Variants in KIAA0319 observed in about 807,000 individuals in gnomAD.
KIAA0319 encodes dyslexia-associated protein KIAA0319.
A neutral mutation model predicts 108.4 loss-of-function variants in KIAA0319; 83 were observed. That is an observed-to-expected ratio of 0.77 (90% CI 0.64 to 0.92). KIAA0319 has a LOEUF of 0.92. Ranked by LOEUF, KIAA0319 falls within the 40% of genes least tolerant of loss-of-function variation. The pLI is 0.00. For synonymous variants in KIAA0319, 484 were observed against 510.4 expected, an observed-to-expected ratio of 0.95 and a Z score of 0.70; for missense variants, 1,195 against 1,322.4, an observed-to-expected ratio of 0.90 and a Z score of 1.49.
At chr6:24,640,591 C>T (rs970622467) in intron 1 of KIAA0319, among the ~76,000 whole-genome samples, 9 of 151,970 alleles carry the variant, frequency 5.9e-5, no homozygotes, top group African/African-American at 1.5e-4. Flanking sequence ...GGGGGCATAT[C>T]GAAGATATTT....
intron 13 of KIAA0319, 136 bp downstream of exon 13, chr6:24,568,645 C>T: frequency 1.2e-6 from 1 of 831,278 alleles, no homozygotes; most frequent in Non-Finnish European, 1.8e-6. Flanking sequence ...GGCTTTTTTT[C>T]AGCCAGGCAG....
At position 24,588,579 on chromosome 6, in the gene KIAA0319, T is replaced by G. The variant is rs1282253276; in HGVS notation, c.994+14A>C. ...TTCAGTACATTTCTTGAAATTGTAT[T>G]TTTTAAAAGTTACCTGTCCTGGGAG... On this transcript the variant is annotated intron_variant, in intron 4 of 20. Transcript: ENST00000378214. 1 of 1,602,890 alleles carries G rather than the reference T, an allele frequency of 6.2e-7. No individual in the cohort carries two copies. Among genetic ancestry groups the G allele is most frequent in the Non-Finnish European group, 8.5e-7 (1 of 1,171,640 alleles).
At chr6:24,576,161 G>C (rs1334409573) in intron 10 of KIAA0319, among the ~76,000 whole-genome samples, 1 of 152,212 alleles carries the variant, frequency 6.6e-6, no homozygotes, top group Admixed American at 6.5e-5. Flanking sequence ...ATTGGTTGCT[G>C]TCCTGTGCTT....
intron 13 of KIAA0319, among the ~76,000 whole-genome samples, chr6:24,568,341 G>C (rs1256649370): frequency 6.6e-6 from 1 of 152,202 alleles, no homozygotes; most frequent in Non-Finnish European, 1.5e-5. Context: ...AGACACTCAG[G>C]CAGTTCACAG....
chr6:24,629,524 A>AAAAAAAAAAAAC (rs1273274396), intron 1 of KIAA0319, among the ~76,000 whole-genome samples: 2 of 147,552 alleles, frequency 1.4e-5, no homozygotes, highest in African/African-American at 5.0e-5. Flanking sequence ...CAAAAAAAAA[A>AAAAAAAAAAAAC]AAAAAAAGAA....
At chr6:24,644,002 C>A (rs1258825579) in intron 1 of KIAA0319, among the ~76,000 whole-genome samples, 1 of 152,246 alleles carries the variant, frequency 6.6e-6, no homozygotes, top group African/African-American at 2.4e-5. Flanking sequence ...GCATACCTGG[C>A]TCTACATACA....
rs186753107 is a variant in KIAA0319, at chr6:24,638,280, G to A, written c.-106+7456C>T. Among the ~76,000 whole-genome samples, 200 of 152,274 alleles carry A rather than the reference G, an allele frequency of 1.3e-3. 3 individuals are homozygous for A. Among genetic ancestry groups the A allele is most frequent in the Admixed American group, 0.011 (168 of 15,296 alleles). ...AAAATACCTATATCAAAAGTTGTGT[G>A]ATTAGAAATAAAGCTATTGAATTTT... On this transcript the variant is annotated intron_variant, in intron 1 of 20. Coordinates refer to ENST00000378214, the MANE Select transcript of KIAA0319 (RefSeq NM_014809.4).
chr6:24,595,439 C>T (rs375288957), intron 3 of KIAA0319, among the ~76,000 whole-genome samples: 1 of 145,378 alleles, frequency 6.9e-6, no homozygotes, highest in East Asian at 2.2e-4. Context: ...CCCAGCTACT[C>T]GGGAGGCTGA....
At chr6:24,621,469 A>C (rs924401181) in intron 1 of KIAA0319, among the ~76,000 whole-genome samples, 18 of 152,228 alleles carry the variant, frequency 1.2e-4, no homozygotes, top group African/African-American at 4.1e-4. Flanking sequence ...AGCCCACACA[A>C]AAAATATATT....
At chr6:24,622,319 T>TAAA (rs5874995) in intron 1 of KIAA0319, among the ~76,000 whole-genome samples, 29 of 114,588 alleles carry the variant, frequency 2.5e-4, no homozygotes, top group Non-Finnish European at 3.0e-4. Flanking sequence ...TTTGAGAAAT[T>TAAA]AAAAAAAAAA....
downstream of KIAA0319, among the ~76,000 whole-genome samples, chr6:24,540,919 A>G (rs1760173996): frequency 6.7e-6 from 1 of 149,950 alleles, no homozygotes; most frequent in Non-Finnish European, 1.5e-5. Context: ...TTCCAATTTC[A>G]CTCGTTTTTA....
At chr6:24,575,458 A>T (rs1024746966) in intron 10 of KIAA0319, among the ~76,000 whole-genome samples, 6 of 152,232 alleles carry the variant, frequency 3.9e-5, no homozygotes, top group Non-Finnish European at 7.3e-5. Flanking sequence ...TTAACACAAC[A>T]GAAGCAAACA....
In KIAA0319 at chr6:24,564,351, A is replaced by G. The variant is rs2760163; in HGVS notation, c.2293-11T>C. The stretch of plus-strand genomic sequence containing the variant: ...GCCATCGATGACATCCTGCGAAAGA[A>G]CACGGATCACAGGGCAGCTGTCAAT... On this transcript the variant is annotated splice_polypyrimidine_tract_variant and intron_variant, in intron 14 of 20. Coordinates refer to ENST00000378214, the MANE Select transcript of KIAA0319 (RefSeq NM_014809.4). 0.026 allele frequency: 41,162 copies of G among 1,612,004 alleles called. 1,213 individuals are homozygous for G. Among genetic ancestry groups the G allele is most frequent in the African/African-American group, 0.14 (10,498 of 74,802 alleles).
At chr6:24,603,441 G>A (rs901484244) in intron 1 of KIAA0319, among the ~76,000 whole-genome samples, 4 of 152,164 alleles carry the variant, frequency 2.6e-5, no homozygotes, top group Non-Finnish European at 5.9e-5. Context: ...TCCTAATGTG[G>A]TGTCAGAATC....
chr6:24,606,112 T>G (rs1771365010), intron 1 of KIAA0319, among the ~76,000 whole-genome samples: 1 of 152,042 alleles, frequency 6.6e-6, no homozygotes, highest in East Asian at 1.9e-4. Flanking sequence ...CTTTTGTACT[T>G]TTTTAGTAGA....
At chr6:24,597,054 C>T (rs954909278) in intron 2 of KIAA0319, among the ~76,000 whole-genome samples, 1 of 152,146 alleles carries the variant, frequency 6.6e-6, no homozygotes, top group Non-Finnish European at 1.5e-5. Flanking sequence ...CACCCATCCA[C>T]CCACTCATCC....
intron 1 of KIAA0319, among the ~76,000 whole-genome samples, chr6:24,606,526 C>T (rs994224452): frequency 1.3e-5 from 2 of 152,184 alleles, no homozygotes; most frequent in Non-Finnish European, 2.9e-5. Flanking sequence ...TGATGGATCA[C>T]TTCCTGTGCC....
At chr6:24,585,802 A>C (rs1767389129) in intron 4 of KIAA0319, among the ~76,000 whole-genome samples, 1 of 152,144 alleles carries the variant, frequency 6.6e-6, no homozygotes, top group Admixed American at 6.5e-5. Flanking sequence ...GTATAAAACC[A>C]AGGTGGCCAG....
chr6:24,553,292 TATACACACACACACACACACAC>T (rs1761809016), intron 19 of KIAA0319, among the ~76,000 whole-genome samples: 3 of 95,016 alleles, frequency 3.2e-5, no homozygotes, highest in Admixed American at 3.0e-4. Context: ...TATATATATA[TATACACACACACACACACACAC>T]ACACACACAC....
Sources: allele counts gnomAD v4.1 joint callset (sites outside exome capture counted in the v4.1 genomes callset), GRCh38; gene constraint gnomAD v4.1.1; transcripts MANE v1.5; gene names NCBI Gene and HGNC (gene_info 2026-07-23, HGNC 2026-07-21).